PGAP4: variants seen among roughly 807,000 people sequenced by gnomAD.
The protein encoded by PGAP4 is GPI-N-acetylgalactosamine transferase PGAP4.
In PGAP4, 12 loss-of-function variants were observed where a neutral mutation model predicts 28.2. The ratio of observed to expected loss-of-function variants is 0.42; its 90% CI spans 0.27 to 0.69. The LOEUF (loss-of-function observed/expected upper bound fraction) is 0.69, where lower values mean the gene tolerates loss of function less well. Ranked by LOEUF, PGAP4 falls within the 30% of genes least tolerant of loss-of-function variation. PGAP4 has a pLI of 0.22. For missense variants in PGAP4, 425 were observed against 513.5 expected, an observed-to-expected ratio of 0.83 and a Z score of 1.67; for synonymous variants, 205 against 211.8, an observed-to-expected ratio of 0.97 and a Z score of 0.28.
intron 2 of PGAP4, among the ~76,000 whole-genome samples, chr9:101,505,721 C>T (rs1826843528): frequency 6.6e-6 from 1 of 152,014 alleles, no homozygotes; most frequent in Non-Finnish European, 1.5e-5. Flanking sequence ...ATTTTCCAAA[C>T]CTAGGGAAGC....
chr9:101,520,123 A>G (rs1052675030), intron 2 of PGAP4, among the ~76,000 whole-genome samples: 2 of 152,068 alleles, frequency 1.3e-5, no homozygotes, highest in Admixed American at 6.6e-5. Flanking sequence ...CTATGGCCTT[A>G]TAGTTTGAAA....
In PGAP4 at chr9:101,515,281, CT is replaced by C. The variant is rs537861000; in HGVS notation, c.-165+16066del. On this transcript the variant is annotated intron_variant, in intron 2 of 3. Transcript: ENST00000374851. ...CATGTCACCTTTCATTCCCCTTCCT[CT>C]GTTATTACATCACCTCTTTCTTCTT... is the stretch of plus-strand genomic sequence containing the variant. Among the ~76,000 whole-genome samples, 96 of 152,302 alleles carry C rather than the reference CT, an allele frequency of 6.3e-4. 1 individual carries two copies. Among genetic ancestry groups the C allele is most frequent in the African/African-American group, 2.2e-3 (92 of 41,564 alleles).
Position 101,477,117 on chromosome 9 carries a change from G to T in PGAP4, c.-25C>A. 36 of 1,527,594 alleles carry T rather than the reference G, an allele frequency of 2.4e-5. No individual in the cohort carries two copies. Among genetic ancestry groups the T allele is most frequent in the Non-Finnish European group, 3.2e-5 (36 of 1,141,116 alleles). The allele number at this position is 1,527,594 out of a possible 1,614,324, so 94.6% of individuals were successfully genotyped here. On this transcript the variant is annotated 5_prime_UTR_variant, in exon 2 of 2. Transcript: ENST00000374848. ...TGAGGTCAACTTTTGTTCATGTCTG[G>T]TCCCAAGAAAAAACCATCCTGGAAC...
chr9:101,512,885 A>G (rs1459875463), intron 2 of PGAP4, among the ~76,000 whole-genome samples: 1 of 152,126 alleles, frequency 6.6e-6, no homozygotes, highest in Non-Finnish European at 1.5e-5. Flanking sequence ...AAAGAGTTTG[A>G]GTGTTTCCCA....
chr9:101,515,736 T>A (rs1826938863), intron 2 of PGAP4, among the ~76,000 whole-genome samples: 2 of 152,182 alleles, frequency 1.3e-5, no homozygotes, highest in Admixed American at 6.6e-5. Flanking sequence ...ATGATTTAAA[T>A]CTTAGAAACA....
intron 2 of PGAP4, among the ~76,000 whole-genome samples, chr9:101,517,954 C>T (rs1433833151): frequency 6.6e-6 from 1 of 152,134 alleles, no homozygotes; most frequent in African/African-American, 2.4e-5. Flanking sequence ...CTGTGTGACA[C>T]TGAGATTTGA....
intron 2 of PGAP4, among the ~76,000 whole-genome samples, chr9:101,527,074 A>G (rs1284821224): frequency 6.6e-6 from 1 of 152,196 alleles, no homozygotes; most frequent in Non-Finnish European, 1.5e-5. Context: ...GTGCATATTT[A>G]AGATCAGTGT....
Position 101,526,819 on chromosome 9 carries a change from T to G in PGAP4, c.-165+4529A>C, listed in dbSNP as rs72745306. On this transcript the variant is annotated intron_variant, in intron 2 of 3. Transcript: ENST00000374851. Reference sequence around the variant, plus strand: ...CCAGCTTCTAGGGTGGTTCATAAATTGTAATTTCAAGGTTTAGTTCAATAA... The same window carrying G: ...CCAGCTTCTAGGGTGGTTCATAAATGGTAATTTCAAGGTTTAGTTCAATAA... 4.8e-3 allele frequency among the ~76,000 whole-genome samples: 729 copies of G among 152,304 alleles called. 3 individuals carry two copies. Among genetic ancestry groups the G allele is most frequent in the Non-Finnish European group, 5.7e-3 (388 of 68,020 alleles).
In PGAP4 at chr9:101,473,329, T is replaced by C. The variant is rs1342094034; in HGVS notation, c.*2552A>G. On this transcript the variant is annotated 3_prime_UTR_variant, in exon 2 of 2. Coordinates refer to ENST00000374848, the MANE Select transcript of PGAP4 (RefSeq NM_032342.3). ...TTCTAGTAACCTATATCCCTTGATA[T>C]GGGAAGGATATCTTAGTTCTCCCTA... 6.6e-6 allele frequency: 1 copy of C among 152,220 alleles called. No individual in the cohort carries two copies. The highest frequency in any genetic ancestry group is 2.4e-5 in the African/African-American group (1 of 41,450). 9.4% of individuals were successfully genotyped at this position (152,220 alleles called of 1,614,324 possible).
At chr9:101,516,954 G>T (rs1182351027) in intron 2 of PGAP4, among the ~76,000 whole-genome samples, 1 of 152,152 alleles carries the variant, frequency 6.6e-6, no homozygotes, top group Non-Finnish European at 1.5e-5. Flanking sequence ...GGTGTGGATG[G>T]TCACTGCTCA....
chr9:101,482,940 ACT>A (rs1487202671), intron 1 of PGAP4, among the ~76,000 whole-genome samples: 9 of 152,200 alleles, frequency 5.9e-5, no homozygotes, highest in African/African-American at 2.2e-4. Context: ...CAAAATAGCA[ACT>A]CTCAAAATAG....
At chr9:101,508,048 T>C (rs1302758860) in intron 2 of PGAP4, among the ~76,000 whole-genome samples, 1 of 152,130 alleles carries the variant, frequency 6.6e-6, no homozygotes, top group Admixed American at 6.6e-5. Context: ...CACATGACTG[T>C]AAAATGGTAA....
chr9:101,493,824 TAG>T (rs1285544605), intron 2 of PGAP4, among the ~76,000 whole-genome samples: 1 of 152,124 alleles, frequency 6.6e-6, no homozygotes, highest in Non-Finnish European at 1.5e-5. Flanking sequence ...TTTTAGTTTA[TAG>T]AGCTTTAGGA....
intron 1 of PGAP4, chr9:101,480,715 T>C (rs1193919420): frequency 6.6e-6 from 1 of 152,246 alleles, no homozygotes; most frequent in African/African-American, 2.4e-5. Flanking sequence ...CAAGATTAGA[T>C]GACTGCTTTG....
Position 101,476,465 on chromosome 9 carries a change from C to T in PGAP4, c.628G>A (p.Val210Ile). Residue 210 changes from valine (V) to isoleucine (I), a missense_variant, in exon 2 of 2, where the codon GTA becomes ATA. Val to Ile is a conservative substitution (Grantham distance 29). Coordinates refer to ENST00000374848, the MANE Select transcript of PGAP4 (RefSeq NM_032342.3). This position sits in a 1 kb window ranked among gnomAD's most constrained non-coding sequence, Gnocchi z 7.0. ...QTYNPDYVLM[V>I]EDDAVPEEQI... ...TCTTCTGGTACAGCATCGTCTTCTA[C>T]CATCAGGACGTAGTCTGGGTTGTAG... 1.9e-6 allele frequency: 3 copies of T among 1,614,142 alleles called. No homozygotes were observed. Among genetic ancestry groups the T allele is most frequent in the South Asian group, 2.2e-5 (2 of 91,072 alleles).
At chr9:101,492,611 C>G (rs900881155) in intron 2 of PGAP4, among the ~76,000 whole-genome samples, 1 of 151,762 alleles carries the variant, frequency 6.6e-6, no homozygotes, top group Admixed American at 6.6e-5. Context: ...GGTTTTTTTT[C>G]TAGTAGGCAG....
chr9:101,487,724 C>T (rs1160380879), upstream of PGAP4, among the ~76,000 whole-genome samples: 1 of 152,160 alleles, frequency 6.6e-6, no homozygotes, highest in African/African-American at 2.4e-5. Context: ...CAGTTTGCTG[C>T]CTGTTCTTGT....
intron 2 of PGAP4, among the ~76,000 whole-genome samples, chr9:101,504,932 C>T (rs1303385007): frequency 1.3e-5 from 2 of 151,984 alleles, no homozygotes; most frequent in Non-Finnish European, 2.9e-5. Flanking sequence ...AAAAAGACTC[C>T]TATGTTAGGA....
At chr9:101,532,799 G>C (rs1588213391) in exon 1 of PGAP4, 1 of 152,174 alleles carries the variant, frequency 6.6e-6, no homozygotes, top group Non-Finnish European at 1.5e-5. Flanking sequence ...CCCTGGTGTT[G>C]ACCATCTTAC....
Sources: allele counts gnomAD v4.1 joint callset (sites outside exome capture counted in the v4.1 genomes callset), GRCh38; gene constraint gnomAD v4.1.1; non-coding constraint Gnocchi (gnomAD v3.1); transcripts MANE v1.5; gene names NCBI Gene and HGNC (gene_info 2026-07-23, HGNC 2026-07-21).